The following TM7SF3 variants were observed in gnomAD, a reference collection of about 807,000 sequenced individuals.
TM7SF3 encodes seven span transmembrane protein.
In TM7SF3, 60 loss-of-function variants were observed where a neutral mutation model predicts 65.5. The ratio of observed to expected loss-of-function variants is 0.92; its 90% confidence interval spans 0.74 to 1.14. The LOEUF is 1.14. Among genes scored for constraint, TM7SF3 ranks in the 50% most tolerant of loss-of-function variants. The probability of loss-of-function intolerance (pLI) is 0.00; values close to 1 mark genes in which losing one functional copy is unlikely to be tolerated. For synonymous variants in TM7SF3, 264 were observed against 259.6 expected (o/e 1.02, Z -0.16); for missense variants, 623 against 684.8 (o/e 0.91, Z 1.01).
intron 5 of TM7SF3, among the ~76,000 whole-genome samples, chr12:26,994,177 A>G (rs962644448): frequency 1.3e-5 from 2 of 152,238 alleles, no homozygotes; most frequent in Non-Finnish European, 2.9e-5. Flanking sequence ...TAAAGCAACT[A>G]ATAAACTTTA....
rs187789642 is a variant in TM7SF3, at chr12:27,003,518, C to T, written c.92-128G>A. The T allele has an allele frequency of 2.3e-4, 193 of 842,944 alleles. No individual in the cohort carries two copies. The African/African-American group carries it at 3.1e-3, about 14-fold the overall frequency. The allele number at this position is 842,944 out of a possible 1,614,324, so 52.2% of individuals were successfully genotyped here. A position where few individuals can be genotyped will look rare whatever the true frequency, so the allele number is the denominator to read the frequency against. On this transcript the variant is annotated intron_variant, in intron 1 of 11. Transcript: ENST00000343028. ...CTTGAGGTAAATATGGTTATTGCTCCTATTTCACTGCTAAAGACAATGTGG... is the reference window on the plus strand; with the variant it reads ...CTTGAGGTAAATATGGTTATTGCTCTTATTTCACTGCTAAAGACAATGTGG...
chr12:27,002,068 A>G (rs1446582517), intron 2 of TM7SF3, among the ~76,000 whole-genome samples: 1 of 152,206 alleles, frequency 6.6e-6, no homozygotes, highest in Non-Finnish European at 1.5e-5. Flanking sequence ...ACACGTGCAC[A>G]ACCACATGCA....
Position 26,995,266 on chromosome 12 carries a change from C to T in TM7SF3, c.661G>A (p.Val221Met), listed in dbSNP as rs145749319. ...LLKHLQRMVS[V>M]PQVKASALKV... ...AGAGCACTGGCCTTCACCTGGGGCA[C>T]ACTGACCATCCTCTGCAGATGCTTC... The change falls in exon 5 of 12, where the codon GTG becomes ATG. Residue 221 changes from valine (V) to methionine (M), a missense_variant. Transcript: ENST00000343028. 1.1e-4 allele frequency: 176 copies of T among 1,614,158 alleles called. No homozygotes were observed. In the African/African-American group the frequency reaches 2.2e-3, roughly 20 times the overall value.
At chr12:26,981,934 T>C (rs529262904) in intron 7 of TM7SF3, among the ~76,000 whole-genome samples, 2 of 152,306 alleles carry the variant, frequency 1.3e-5, no homozygotes, top group South Asian at 4.1e-4. Flanking sequence ...AGCAGACATT[T>C]CAAACTCACT....
At chr12:26,997,984 CCTGA>C (rs144444046) in intron 3 of TM7SF3, among the ~76,000 whole-genome samples, 8,331 of 152,142 alleles carry the variant, frequency 0.055, 282 homozygotes, top group Middle Eastern at 0.092. Flanking sequence ...TGCCACCACA[CCTGA>C]CTAATTTTTG....
At chr12:26,987,426 C>A (rs77267728) in intron 6 of TM7SF3, among the ~76,000 whole-genome samples, 2,922 of 152,264 alleles carry the variant, frequency 0.019, 86 homozygotes, top group African/African-American at 0.067. Flanking sequence ...TCTCTCAAAC[C>A]CCTCATCCAA....
chr12:26,987,571 A>T (rs1940155791), intron 6 of TM7SF3, among the ~76,000 whole-genome samples: 1 of 152,260 alleles, frequency 6.6e-6, no homozygotes, highest in African/African-American at 2.4e-5. Flanking sequence ...CCAGGTTTAA[A>T]ATAAATACAT....
At position 26,982,861 on chromosome 12, in the gene TM7SF3, T is replaced by TA. The variant is rs34653193; in HGVS notation, c.869-3dup. ...AGAACACTTTGGAAGACACTCTTCC[T>TA]AAAAAATAATGAAAATTTAGTGGAT... On this transcript the variant is annotated splice_region_variant and splice_polypyrimidine_tract_variant and intron_variant, in intron 6 of 11. Transcript: ENST00000343028. 7.5e-3 allele frequency: 11,924 copies of TA among 1,588,422 alleles called. 802 individuals are homozygous for TA. In the African/African-American group the frequency reaches 0.15, roughly 19 times the overall value.
intron 5 of TM7SF3, among the ~76,000 whole-genome samples, chr12:26,994,607 A>G (rs966530173): frequency 3.3e-5 from 5 of 152,232 alleles, no homozygotes; most frequent in African/African-American, 4.8e-5. Flanking sequence ...TCGGCCTCCC[A>G]AAGTGCTGGG....
rs1458911937 is a variant in TM7SF3 at position 26,996,634 on chromosome 12, C to T, written c.518+108G>A. ...TACATCAATTCCCCCCAAAAATTAA[C>T]TCAATTTTACTACAGAGAATTAGGG... On this transcript the variant is annotated intron_variant, in intron 4 of 11. Transcript: ENST00000343028. 4.2e-6 allele frequency: 5 copies of T among 1,185,496 alleles called. No individual in the cohort carries two copies. In the African/African-American group the frequency reaches 8.0e-5, roughly 19 times the overall value. 73.4% of individuals were successfully genotyped at this position (1,185,496 alleles called of 1,614,324 possible).
At chr12:27,011,669 T>C (rs964678434) in intron 1 of TM7SF3, among the ~76,000 whole-genome samples, 1 of 152,254 alleles carries the variant, frequency 6.6e-6, no homozygotes, top group African/African-American at 2.4e-5. Flanking sequence ...TCCTGAACTA[T>C]GTCCTTCTAC....
chr12:26,990,574 C>A lies in TM7SF3; in HGVS notation c.744G>T (p.Pro248=), dbSNP rs780498465. ...DKTSVSFSSL[P]GQGVIYNVIV... is the part of the protein sequence containing the mutation. ...TGACATTGTATATGACACCTTGTCC[C>A]GGGAGGGAGGAGAAGGAAACACTTG... The change falls in exon 6 of 12, where the codon CCG becomes CCT. Residue 248 remains proline (P), a synonymous_variant. Transcript: ENST00000343028. 15 of 1,613,858 alleles carry A rather than the reference C, an allele frequency of 9.3e-6. No individual in the cohort carries two copies. Among genetic ancestry groups the A allele is most frequent in the Non-Finnish European group, 1.3e-5 (15 of 1,179,948 alleles).
intron 4 of TM7SF3, among the ~76,000 whole-genome samples, chr12:26,995,744 C>T (rs766828245): frequency 3.3e-5 from 5 of 152,174 alleles, no homozygotes; most frequent in Non-Finnish European, 5.9e-5. Flanking sequence ...GCCCTCTAGC[C>T]TTCTTTCTGT....
At chr12:27,009,601 T>C (rs1941171199) in intron 1 of TM7SF3, among the ~76,000 whole-genome samples, 1 of 152,218 alleles carries the variant, frequency 6.6e-6, no homozygotes, top group African/African-American at 2.4e-5. Context: ...TCTTGCTATA[T>C]TGATCAGACT....
Position 26,972,482 on chromosome 12 carries a change from C to T in TM7SF3, c.*1483G>A, listed in dbSNP as rs1371614042. 4 of 151,100 alleles carry T rather than the reference C, an allele frequency of 2.6e-5. No individual in the cohort carries two copies. Among genetic ancestry groups the T allele is most frequent in the Admixed American group, 2.6e-4 (4 of 15,182 alleles). 9.4% of individuals were successfully genotyped at this position (151,100 alleles called of 1,614,324 possible). ...CCAGGGTGGAGTGCAGTGGCGTGAT[C>T]TTGGCTCACTGCAACCTCTGCCTCC... On this transcript the variant is annotated 3_prime_UTR_variant, in exon 12 of 12. Transcript: ENST00000343028.
intron 10 of TM7SF3, 78 bp downstream of exon 10, chr12:26,976,182 C>A: frequency 8.8e-7 from 1 of 1,138,798 alleles, no homozygotes. Flanking sequence ...ATAAAACATG[C>A]AAAATGATGA....
rs186054450 is a variant in TM7SF3 at position 26,990,492 on chromosome 12, C to G, written c.826G>C (p.Ala276Pro). 3 of 1,613,978 alleles carry G rather than the reference C, an allele frequency of 1.9e-6. No homozygotes were observed. In the East Asian group the frequency reaches 6.7e-5, roughly 36 times the overall value. The change falls in exon 6 of 12, where the codon GCT (alanine) becomes CCT (proline). Residue 276 changes from alanine (A) to proline (P), a missense_variant. Physicochemically the swap from Ala to Pro is conservative, Grantham distance 27 (BLOSUM62 -1). Transcript: ENST00000343028. Reference sequence around the variant, plus strand: ...CCCTCTCCTGCCTCAAAGCTGCAAGCGTATGTGTGAGCAGGAATGTAGGCA... The same window carrying G: ...CCCTCTCCTGCCTCAAAGCTGCAAGGGTATGTGTGAGCAGGAATGTAGGCA... The part of the protein sequence containing the change: ...SAAYIPAHTY[A>P]CSFEAGEGSC...
chr12:26,988,560 C>T (rs1251157890), intron 6 of TM7SF3, among the ~76,000 whole-genome samples: 5 of 151,868 alleles, frequency 3.3e-5, no homozygotes, highest in Admixed American at 1.3e-4. Flanking sequence ...GTGTTAGCTT[C>T]GTAATTTTGA....
Position 26,996,780 on chromosome 12 carries a change from C to T in TM7SF3, c.480G>A (p.Thr160=), listed in dbSNP as rs775028344. ...GGTTTGCTGGGGCAAACTTGATAGT[C>T]GTTTCAAAGAAATTATACTCCAAGT... ...NIYLEYNFFE[T]TIKFAPANLG... Residue 160 remains threonine, a synonymous_variant, in exon 4 of 12, where the codon ACG becomes ACA. Transcript: ENST00000343028. 13 of 1,613,288 alleles carry T rather than the reference C, an allele frequency of 8.1e-6. No individual in the cohort carries two copies. The highest frequency in any genetic ancestry group is 5.5e-5 in the South Asian group (5 of 90,884).
Sources: allele counts gnomAD v4.1 joint callset (sites outside exome capture counted in the v4.1 genomes callset), GRCh38; gene constraint gnomAD v4.1.1; transcripts MANE v1.5; gene names NCBI Gene and HGNC (gene_info 2026-07-23, HGNC 2026-07-21).